Variants in SYBU observed in about 807,000 individuals in gnomAD.
The protein encoded by SYBU is GOLSYN A protein.
A neutral mutation model predicts 35.9 loss-of-function variants in SYBU; 21 were observed. That is an observed-to-expected ratio of 0.58 (90% CI 0.41 to 0.84). SYBU has a LOEUF of 0.84. SYBU is among the 40% of genes least tolerant of loss of function. The pLI is 0.00. For synonymous variants in SYBU, 319 were observed against 324.3 expected (o/e 0.98, Z 0.18); for missense variants, 768 against 848.2 (o/e 0.91, Z 1.17).
intron 1 of SYBU, among the ~76,000 whole-genome samples, chr8:109,673,470 C>G (rs1223645760): frequency 6.6e-6 from 1 of 152,108 alleles, no homozygotes; most frequent in Non-Finnish European, 1.5e-5. Flanking sequence ...AACTAACAAG[C>G]AGAAAGAAAT....
intron 3 of SYBU, chr8:109,607,808 T>TAACACACA: frequency 2.7e-6 from 1 of 375,454 alleles, no homozygotes; most frequent in Non-Finnish European, 4.7e-6. Flanking sequence ...CACAACTAAC[T>TAACACACA]CACACACACA....
chr8:109,674,468 T>C (rs1817109821), intron 1 of SYBU, among the ~76,000 whole-genome samples: 1 of 152,164 alleles, frequency 6.6e-6, no homozygotes, highest in African/African-American at 2.4e-5. Flanking sequence ...TAAAATCCTT[T>C]ACAGACAAGC....
In SYBU at chr8:109,574,831, A is replaced by G; in HGVS notation, c.*75T>C. 6.9e-7 allele frequency: 1 copy of G among 1,447,440 alleles called. No homozygotes were observed. The highest frequency in any genetic ancestry group is 9.2e-7 in the Non-Finnish European group (1 of 1,081,388). The allele number at this position is 1,447,440 out of a possible 1,614,324, so 89.7% of individuals were successfully genotyped here. On this transcript the variant is annotated 3_prime_UTR_variant, in exon 7 of 7. Transcript: ENST00000276646. ...AACGACAGAATAGAGACTGTCACAG[A>G]TGATTGACTTCCTGTTTCTCTACCT... is the stretch of plus-strand genomic sequence containing the variant.
rs1441753688 is a variant in SYBU, at chr8:109,691,312, G to T, written c.-58+21C>A. On this transcript the variant is annotated intron_variant, in intron 1 of 7. Coordinates refer to the SYBU transcript ENST00000422135. This position sits in a 1 kb window ranked among gnomAD's most constrained non-coding sequence, Gnocchi z 4.7. ...TCCGCGGGCACTGACAGCAGAGACCGCATAGGCGCCCCGGTCTTACCCTTT... is the reference window on the plus strand; with the variant it reads ...TCCGCGGGCACTGACAGCAGAGACCTCATAGGCGCCCCGGTCTTACCCTTT... 7.1e-6 allele frequency: 5 copies of T among 700,518 alleles called. No individual in the cohort carries two copies. The highest frequency in any genetic ancestry group is 1.5e-5 in the South Asian group (1 of 67,244). 43.4% of individuals were successfully genotyped at this position (700,518 alleles called of 1,614,324 possible).
intron 3 of SYBU, among the ~76,000 whole-genome samples, chr8:109,606,576 T>G (rs1196405094): frequency 6.6e-6 from 1 of 152,184 alleles, no homozygotes; most frequent in East Asian, 1.9e-4. Context: ...GGAGAAAGTG[T>G]CATCCACATG....
chr8:109,578,120 GA>G, intron 5 of SYBU, 103 bp from the exon 6 acceptor site: 1 of 1,281,024 alleles, frequency 7.8e-7, no homozygotes, highest in South Asian at 1.6e-5. Context: ...TGTCCCTCCA[GA>G]ATTCATATGT....
At chr8:109,592,520 A>G (rs1824403029) in intron 3 of SYBU, among the ~76,000 whole-genome samples, 1 of 152,174 alleles carries the variant, frequency 6.6e-6, no homozygotes, top group South Asian at 2.1e-4. Flanking sequence ...GGTCTGAGAA[A>G]GGGAGGAGGC....
At chr8:109,625,466 AG>A (rs1812888905) in intron 2 of SYBU, among the ~76,000 whole-genome samples, 1 of 152,224 alleles carries the variant, frequency 6.6e-6, no homozygotes, top group African/African-American at 2.4e-5. Flanking sequence ...TCTGTTGCCC[AG>A]GCTGGAGTAC....
upstream of SYBU, among the ~76,000 whole-genome samples, chr8:109,649,569 G>C (rs1277273984): frequency 1.3e-5 from 2 of 152,182 alleles, no homozygotes; most frequent in Non-Finnish European, 2.9e-5. Context: ...GGCAAGTCCA[G>C]GGGAAGAGGC....
chr8:109,622,735 T>C (rs78653530), intron 2 of SYBU, among the ~76,000 whole-genome samples: 3,953 of 152,138 alleles, frequency 0.026, 153 homozygotes, highest in African/African-American at 0.091. Context: ...GTACAATCTA[T>C]AGATTTATAT....
chr8:109,681,618 G>T (rs763995929), upstream of SYBU, among the ~76,000 whole-genome samples: 17 of 151,940 alleles, frequency 1.1e-4, no homozygotes, highest in Non-Finnish European at 2.4e-4. Context: ...ACAATAATTG[G>T]ATAACAGCAT....
rs145136111 is a variant in SYBU, at chr8:109,587,418, T to C, written c.428-1256A>G. Among the ~76,000 whole-genome samples, 10 of 152,356 alleles carry C rather than the reference T, an allele frequency of 6.6e-5. No homozygotes were observed. The East Asian group carries it at 1.9e-3, about 29-fold the overall frequency. On this transcript the variant is annotated intron_variant, in intron 3 of 6. Coordinates refer to ENST00000276646, the MANE Select transcript of SYBU (RefSeq NM_001099754.2). ...ACTGAAGCTGTTTGTCTGAAGCTTA[T>C]AGGTGATAAATCCTGTCCAGGACCA...
chr8:109,588,032 C>A (rs1390101437), intron 3 of SYBU, among the ~76,000 whole-genome samples: 1 of 152,190 alleles, frequency 6.6e-6, no homozygotes, highest in Admixed American at 6.5e-5. Flanking sequence ...CGGCCTAACT[C>A]AACCAGCTTT....
intron 5 of SYBU, among the ~76,000 whole-genome samples, chr8:109,579,259 C>T (rs989517208): frequency 3.9e-5 from 6 of 152,142 alleles, no homozygotes; most frequent in Admixed American, 3.3e-4. Context: ...TCCACACTCC[C>T]TACAATCTCA....
intron 6 of SYBU, among the ~76,000 whole-genome samples, chr8:109,577,046 G>C (rs188460568): frequency 1.3e-5 from 2 of 152,270 alleles, no homozygotes; most frequent in Admixed American, 1.3e-4. Flanking sequence ...CAGATGATGA[G>C]CCAGATTAAT....
rs1234961514 is a variant in SYBU, at chr8:109,644,751, G to C, written c.-92C>G. 1 of 1,242,952 alleles carries C rather than the reference G, an allele frequency of 8.0e-7. No homozygotes were observed. Among genetic ancestry groups the C allele is most frequent in the African/African-American group, 1.6e-5 (1 of 62,618 alleles). 77.0% of individuals were successfully genotyped at this position (1,242,952 alleles called of 1,614,324 possible). On this transcript the variant is annotated 5_prime_UTR_variant, in exon 1 of 7. Transcript: ENST00000276646. ...CGGAGCGAGGAGACTGCGCTGAGCC[G>C]GCGCGGGCTGCGGGCGGCGGCTCTT...
intron 4 of SYBU, among the ~76,000 whole-genome samples, chr8:109,581,626 T>G (rs958093737): frequency 9.8e-5 from 15 of 152,358 alleles, no homozygotes; most frequent in African/African-American, 3.4e-4. Flanking sequence ...ATAGCTTTCA[T>G]ATAGTAGTAC....
At chr8:109,634,912 A>G (rs1215699335) in intron 2 of SYBU, among the ~76,000 whole-genome samples, 1 of 151,942 alleles carries the variant, frequency 6.6e-6, no homozygotes, top group Non-Finnish European at 1.5e-5. Context: ...CACTATTGTT[A>G]TTATCTTTCT....
chr8:109,627,890 C>T (rs1813154492), intron 2 of SYBU, among the ~76,000 whole-genome samples: 1 of 152,204 alleles, frequency 6.6e-6, no homozygotes, highest in Non-Finnish European at 1.5e-5. Flanking sequence ...TCTAGGTTTT[C>T]AACAGCAAAC....
Sources: gnomAD v4.1 joint callset for allele counts (sites outside exome capture counted in the v4.1 genomes callset) on GRCh38, gnomAD v4.1.1 for gene constraint, Gnocchi (gnomAD v3.1) non-coding constraint, MANE v1.5 for transcripts, NCBI Gene and HGNC (gene_info 2026-07-23, HGNC 2026-07-21) for gene names.